Variants in CLVS1 observed in about 807,000 individuals in gnomAD.
CLVS1 encodes the protein clavesin 1, also known as clavesin-1.
Under a neutral mutation model 33.1 loss-of-function variants are expected in CLVS1, and 10 were observed. That is an observed-to-expected ratio of 0.30 (90% CI 0.19 to 0.51). The LOEUF (loss-of-function observed/expected upper bound fraction) is 0.51. CLVS1 is among the 20% of genes least tolerant of loss of function. The probability of loss-of-function intolerance (pLI) is 0.97; values close to 1 mark genes in which losing one functional copy is unlikely to be tolerated. For missense variants in CLVS1, 343 were observed against 433.4 expected (o/e 0.79, Z 1.85); for synonymous variants, 163 against 166.1 (o/e 0.98, Z 0.14).
the CLVS1 span, among the ~76,000 whole-genome samples, chr8:61,023,658 C>T: frequency 6.6e-6 from 1 of 152,152 alleles, no homozygotes; most frequent in Non-Finnish European, 1.5e-5. Context: ...TCGTGGCGGG[C>T]CCGGTGAGTC....
chr8:61,425,815 G>A (rs1289390101), intron 3 of CLVS1, among the ~76,000 whole-genome samples: 1 of 152,218 alleles, frequency 6.6e-6, no homozygotes, highest in Non-Finnish European at 1.5e-5. Flanking sequence ...AGAGTAGACA[G>A]TTCCACATGT....
intron 2 of CLVS1, among the ~76,000 whole-genome samples, chr8:61,212,173 C>T (rs1807984057): frequency 6.6e-6 from 1 of 152,222 alleles, no homozygotes; most frequent in South Asian, 2.1e-4. Context: ...GAAGCAGCCT[C>T]TCCGCCCTCC....
intron 2 of CLVS1, among the ~76,000 whole-genome samples, chr8:61,147,854 C>A (rs576465539): frequency 1.6e-4 from 25 of 152,236 alleles, no homozygotes; most frequent in Admixed American, 1.2e-3. Flanking sequence ...AGAAAAAAAA[C>A]TTATATATTC....
intron 3 of CLVS1, 43 bp downstream of exon 3, chr8:61,376,822 A>C (rs374666607): frequency 4.5e-5 from 67 of 1,503,894 alleles, no homozygotes; most frequent in Non-Finnish European, 8.1e-6. Flanking sequence ...GTGTGGCAAC[A>C]TACTTTTTAA....
chr8:61,359,572 T>C (rs1812884975), intron 2 of CLVS1, among the ~76,000 whole-genome samples: 1 of 152,082 alleles, frequency 6.6e-6, no homozygotes, highest in Admixed American at 6.6e-5. Context: ...GCCAGGCTGG[T>C]CTTGAACTCC....
At chr8:61,468,336 T>C (rs1357565734) in intron 5 of CLVS1, among the ~76,000 whole-genome samples, 1 of 152,226 alleles carries the variant, frequency 6.6e-6, no homozygotes, top group Non-Finnish European at 1.5e-5. Flanking sequence ...TGCATAGATG[T>C]GTCCTTTTCA....
chr8:61,328,530 T>A (rs1811468420), intron 2 of CLVS1, among the ~76,000 whole-genome samples: 1 of 145,494 alleles, frequency 6.9e-6, no homozygotes, highest in Non-Finnish European at 1.5e-5. Context: ...TTGCCCAGTC[T>A]TTTTTTTTTT....
chr8:61,499,355 T>TATTA, intron 5 of CLVS1, 100 bp from the exon 6 acceptor site: 2 of 734,206 alleles, frequency 2.7e-6, no homozygotes, highest in South Asian at 1.6e-5. Flanking sequence ...TTTGAGTGTC[T>TATTA]ATTAAAAAGA....
chr8:61,126,335 G>A (rs1171946574), intron 1 of CLVS1, among the ~76,000 whole-genome samples: 1 of 152,190 alleles, frequency 6.6e-6, no homozygotes, highest in African/African-American at 2.4e-5. Context: ...TACTGAGTGC[G>A]TCTGCTACCA....
chr8:61,124,873 G>A (rs1380847823), intron 1 of CLVS1, among the ~76,000 whole-genome samples: 1 of 152,216 alleles, frequency 6.6e-6, no homozygotes, highest in African/African-American at 2.4e-5. Flanking sequence ...ATGTGCCAGT[G>A]AGGGTGGGAT....
chr8:61,410,659 T>G (rs1007326578), intron 3 of CLVS1, among the ~76,000 whole-genome samples: 6 of 152,184 alleles, frequency 3.9e-5, no homozygotes, highest in African/African-American at 1.4e-4. Flanking sequence ...TTTATTGTTT[T>G]GAGACAGAAT....
At position 61,278,379 on chromosome 8, in the gene CLVS1, T is replaced by C. The variant is rs1307758384; in HGVS notation, c.-151-21298T>C. ...AGTTTACTGTAACACTAATTTCTGT[T>C]TACCAGTCTTGGATTGCTAGAAAAT... On this transcript the variant is annotated intron_variant, in intron 2 of 2. Coordinates refer to the CLVS1 transcript ENST00000522621. Among the ~76,000 whole-genome samples the C allele has an allele frequency of 2.0e-5, 3 of 152,250 alleles. No homozygotes were observed. The East Asian group carries it at 5.8e-4, about 29-fold the overall frequency.
chr8:61,267,861 T>C lies in CLVS1; in HGVS notation c.-151-31816T>C, dbSNP rs184182487. Among the ~76,000 whole-genome samples, 7 of 152,340 alleles carry C rather than the reference T, an allele frequency of 4.6e-5. No individual in the cohort carries two copies. In the East Asian group the frequency reaches 1.3e-3, roughly 29 times the overall value. ...TATATTGTCATTTTGAGTTAATTTA[T>C]TTAAGAAAATTCAGCTCACTGCTAT... On this transcript the variant is annotated intron_variant, in intron 2 of 2. Transcript: ENST00000522621.
At chr8:61,066,455 A>G (rs1331282602) in intron 1 of CLVS1, among the ~76,000 whole-genome samples, 1 of 152,122 alleles carries the variant, frequency 6.6e-6, no homozygotes, top group Non-Finnish European at 1.5e-5. Flanking sequence ...GCTATGATTT[A>G]CCACTGCACT....
At chr8:60,965,064 G>A in the CLVS1 span, among the ~76,000 whole-genome samples, 23,260 of 152,030 alleles carry the variant, frequency 0.15, 1,831 homozygotes, top group South Asian at 0.2. Flanking sequence ...TTGCAAGATT[G>A]TGAGGTTGCA....
chr8:61,170,766 T>C (rs1806978936), intron 2 of CLVS1, among the ~76,000 whole-genome samples: 1 of 152,204 alleles, frequency 6.6e-6, no homozygotes, highest in Non-Finnish European at 1.5e-5. Context: ...TCCAAAACTA[T>C]GATTATTAAA....
At chr8:61,008,408 A>AGAG in the CLVS1 span, among the ~76,000 whole-genome samples, 2 of 151,984 alleles carry the variant, frequency 1.3e-5, no homozygotes, top group Non-Finnish European at 2.9e-5. Context: ...ATTAGAGAAG[A>AGAG]GAGGAGTACC....
intron 3 of CLVS1, among the ~76,000 whole-genome samples, chr8:61,450,812 G>C (rs1816924702): frequency 1.3e-5 from 2 of 152,194 alleles, no homozygotes; most frequent in Non-Finnish European, 2.9e-5. Flanking sequence ...GGCAGAGTTT[G>C]GGTAATTATT....
At chr8:61,055,311 A>G (rs1804457448), upstream of CLVS1, among the ~76,000 whole-genome samples, 1 of 152,224 alleles carries the variant, frequency 6.6e-6, no homozygotes, top group South Asian at 2.1e-4. Context: ...TTGCACCCAA[A>G]TAAGCCAGGT....
Sources: gnomAD v4.1 joint callset for allele counts (sites outside exome capture counted in the v4.1 genomes callset) on GRCh38, gnomAD v4.1.1 for gene constraint, MANE v1.5 for transcripts, NCBI Gene and HGNC (gene_info 2026-07-23, HGNC 2026-07-21) for gene names.